The following IGSF3 variants were observed in gnomAD, a reference collection of about 807,000 sequenced individuals.
The protein encoded by IGSF3 is immunoglobulin superfamily member 3, also known as glu-Trp-Ile EWI motif-containing protein 3.
Under a neutral mutation model 114.4 loss-of-function variants are expected in IGSF3, and 23 were observed. The observed-to-expected ratio is 0.20, with a 90% CI of 0.14 to 0.28. The LOEUF is 0.28. Ranked by LOEUF, IGSF3 falls within the 10% of genes least tolerant of loss-of-function variation. IGSF3 has a pLI of 1.00. For missense variants in IGSF3, 1,172 were observed against 1,591.5 expected, an observed-to-expected ratio of 0.74 and a Z score of 4.48; for synonymous variants, 571 against 645.2, an observed-to-expected ratio of 0.88 and a Z score of 1.74.
chr1:116,643,040 T>A (rs1391654145), intron 2 of IGSF3, among the ~76,000 whole-genome samples: 1 of 152,180 alleles, frequency 6.6e-6, no homozygotes, highest in Non-Finnish European at 1.5e-5. Context: ...CAAAGCTCTA[T>A]CTATGCCTGC....
chr1:116,613,626 C>T, intron 4 of IGSF3, 139 bp downstream of exon 4: 1 of 809,876 alleles, frequency 1.2e-6, no homozygotes, highest in Non-Finnish European at 2.0e-6. Context: ...TCCAGCCGCA[C>T]ACAAGACCGG....
chr1:116,577,369 G>A lies in IGSF3; in HGVS notation c.3528C>T (p.Tyr1176=), dbSNP rs149680474. 4 of 1,614,044 alleles carry A rather than the reference G, an allele frequency of 2.5e-6. No homozygotes were observed. Among genetic ancestry groups the A allele is most frequent in the East Asian group, 4.5e-5 (2 of 44,892 alleles). The change falls in exon 11 of 11, where the codon TAC becomes TAT. Residue 1176 remains tyrosine (Y), a synonymous_variant. Transcript: ENST00000369486. This position sits in a 1 kb window ranked among gnomAD's most constrained non-coding sequence, Gnocchi z 5.7. ...LLWIKEPHLN[Y]SPTCLEPPVL... ...CAGGGGGCTCCAGGCAAGTAGGGGA[G>A]TAGTTGAGGTGTGGCTCTTTGATCC...
rs753627258 is a variant in IGSF3, at chr1:116,606,584, C to G, written c.1222+1358G>C. 7.7e-6 allele frequency: 6 copies of G among 774,638 alleles called. No individual in the cohort carries two copies. The East Asian group carries it at 1.5e-4, about 19-fold the overall frequency. 48.0% of individuals were successfully genotyped at this position (774,638 alleles called of 1,614,324 possible). A position where few individuals can be genotyped will look rare whatever the true frequency, so the allele number is the denominator to read the frequency against. ...AGCAATATAGCAGGCCACAGATCAT[C>G]AAACAAGTTCTCAGAAGGGGTTGGG... On this transcript the variant is annotated intron_variant, in intron 5 of 10. Coordinates refer to ENST00000369486, the MANE Select transcript of IGSF3 (RefSeq NM_001007237.3).
rs1362812279 is a variant in IGSF3, at chr1:116,625,497, G to T, written c.44-9040C>A. ...TGCCAGGCGGAAAAGGGCACCGAAA[G>T]GCACATTAATAAAGTCAAACACCTC... On this transcript the variant is annotated intron_variant, in intron 2 of 10. Coordinates refer to ENST00000369486, the MANE Select transcript of IGSF3 (RefSeq NM_001007237.3). The surrounding 1 kb of genome is among the most constrained non-coding windows in gnomAD (Gnocchi z 4.7). Among the ~76,000 whole-genome samples the T allele has an allele frequency of 6.6e-6, 1 of 152,236 alleles. No individual in the cohort carries two copies. Among genetic ancestry groups the T allele is most frequent in the Non-Finnish European group, 1.5e-5 (1 of 68,046 alleles).
In IGSF3 at chr1:116,661,464, TACTCACTGATAAAACC is replaced by T. The variant is rs1557889611; in HGVS notation, c.43+4804_43+4819del. 6.6e-6 allele frequency among the ~76,000 whole-genome samples: 1 copy of T among 152,222 alleles called. No homozygotes were observed. On this transcript the variant is annotated intron_variant, in intron 2 of 10. Transcript: ENST00000369486. This position sits in a 1 kb window ranked among gnomAD's most constrained non-coding sequence, Gnocchi z 4.0. ...CATAAGCACTCTATAAACACTTTAATACTCACTGATAAAACCACAAAATGTAGTGTTTAATTATATG... is the reference window on the plus strand; with the variant it reads ...CATAAGCACTCTATAAACACTTTAATACAAAATGTAGTGTTTAATTATATG...
Position 116,650,846 on chromosome 1 carries a change from C to A in IGSF3, c.43+15438G>T, listed in dbSNP as rs1648607423. ...AAAATGGAAAAAGAGCCATGAAATC[C>A]AAACAGATGCAAAAACGTTCTTAAC... On this transcript the variant is annotated intron_variant, in intron 2 of 10. Coordinates refer to ENST00000369486, the MANE Select transcript of IGSF3 (RefSeq NM_001007237.3). This position sits in a 1 kb window ranked among gnomAD's most constrained non-coding sequence, Gnocchi z 5.0. Among the ~76,000 whole-genome samples the A allele has an allele frequency of 6.6e-6, 1 of 152,190 alleles. No individual in the cohort carries two copies. The highest frequency in any genetic ancestry group is 1.5e-5 in the Non-Finnish European group (1 of 68,036).
In IGSF3 at chr1:116,600,057, G is replaced by T. The variant is rs145920186; in HGVS notation, c.1913C>A (p.Thr638Lys). ...CACACACTGGTACTTGCCTGCTTCC[G>T]TGTCACTGGCTCGGCTGATGCTTAG... Reference protein sequence around the residue: ...VRLSISRASDTEAGKYQCVAE... With the variant: ...VRLSISRASDKEAGKYQCVAE... Residue 638 changes from threonine (T) to lysine (K), a missense_variant, in exon 7 of 11, where the codon ACG becomes AAG. Thr to Lys is a moderately conservative substitution (Grantham distance 78). Transcript: ENST00000369486. This position sits in a 1 kb window ranked among gnomAD's most constrained non-coding sequence, Gnocchi z 5.5. The T allele has an allele frequency of 1.9e-5, 30 of 1,614,154 alleles. No individual in the cohort carries two copies. The highest frequency in any genetic ancestry group is 2.4e-5 in the Non-Finnish European group (28 of 1,180,030).
rs772911436 is a variant in IGSF3 at position 116,588,899 on chromosome 1, G to A, written c.2235C>T (p.Ala745=). 2.0e-5 allele frequency: 32 copies of A among 1,613,994 alleles called. No individual in the cohort carries two copies. Among genetic ancestry groups the A allele is most frequent in the African/African-American group, 1.1e-4 (8 of 74,884 alleles). ...GCCTGGCTCTCAGGCCCTCCTCCTC[G>A]GCGTAAGTACCGTATTCAAAGGCGG... ...HNSAFEYGTY[A]EEEGLRARLQ... The change falls in exon 8 of 11, where the codon GCC becomes GCT. Residue 745 remains alanine, a synonymous_variant. Coordinates refer to ENST00000369486, the MANE Select transcript of IGSF3 (RefSeq NM_001007237.3). The surrounding 1 kb of genome is among the most constrained non-coding windows in gnomAD (Gnocchi z 4.9).
Position 116,667,603 on chromosome 1 carries a change from C to T in IGSF3, c.-631+15G>A, listed in dbSNP as rs1649397905. 6.6e-6 allele frequency: 1 copy of T among 151,528 alleles called. No individual in the cohort carries two copies. The highest frequency in any genetic ancestry group is 1.5e-5 in the Non-Finnish European group (1 of 67,748). 9.4% of individuals were successfully genotyped at this position (151,528 alleles called of 1,614,324 possible). A position where few individuals can be genotyped will look rare whatever the true frequency, so the allele number is the denominator to read the frequency against. On this transcript the variant is annotated intron_variant, in intron 1 of 10. Transcript: ENST00000369486. ...GCCCCCTCCGGGCGCCGCCCGCGCC[C>T]CCGCCGAGCCTGACCTCGCCCCTGG...
intron 7 of IGSF3, among the ~76,000 whole-genome samples, chr1:116,590,372 A>G (rs1402329522): frequency 1.5e-5 from 2 of 131,904 alleles, no homozygotes; most frequent in South Asian, 2.3e-4. Context: ...ACTAAAAATG[A>G]AAAAAAAAAA....
intron 2 of IGSF3, among the ~76,000 whole-genome samples, chr1:116,660,172 T>A (rs937949389): frequency 6.6e-6 from 1 of 152,186 alleles, no homozygotes. Flanking sequence ...ATTTCTCCAA[T>A]CTGTAAAAGG....
At position 116,632,708 on chromosome 1, in the gene IGSF3, GCAGGATTAACTAGCCATA is replaced by G. The variant is rs745778127; in HGVS notation, c.44-16269_44-16252del. 3.3e-5 allele frequency among the ~76,000 whole-genome samples: 5 copies of G among 152,194 alleles called. No homozygotes were observed. Among genetic ancestry groups the G allele is most frequent in the Non-Finnish European group, 7.3e-5 (5 of 68,032 alleles). The stretch of plus-strand genomic sequence containing the variant: ...ATTAACTCAGAGCTGACCTCGTCTG[GCAGGATTAACTAGCCATA>G]CCTGTCCAGCCCACAGAGCCTGGCC... On this transcript the variant is annotated intron_variant, in intron 2 of 10. Coordinates refer to ENST00000369486, the MANE Select transcript of IGSF3 (RefSeq NM_001007237.3). The surrounding 1 kb of genome is among the most constrained non-coding windows in gnomAD (Gnocchi z 5.1).
Position 116,596,411 on chromosome 1 carries a change from G to A in IGSF3, c.2029+3530C>T, listed in dbSNP as rs1371505794. On this transcript the variant is annotated intron_variant, in intron 7 of 10. Coordinates refer to ENST00000369486, the MANE Select transcript of IGSF3 (RefSeq NM_001007237.3). The surrounding 1 kb of genome is among the most constrained non-coding windows in gnomAD (Gnocchi z 4.1). ...GGAGAGCAAAAGAAGAGAGGACAGCGCTGGTTCGGAGCTCTGGTATCCGCA... is the reference window on the plus strand; with the variant it reads ...GGAGAGCAAAAGAAGAGAGGACAGCACTGGTTCGGAGCTCTGGTATCCGCA... Among the ~76,000 whole-genome samples the A allele has an allele frequency of 3.9e-5, 6 of 152,192 alleles. No individual in the cohort carries two copies. The East Asian group carries it at 5.8e-4, about 15-fold the overall frequency.
Position 116,665,435 on chromosome 1 carries a change from T to G in IGSF3, c.43+849A>C, listed in dbSNP as rs1013632846. On this transcript the variant is annotated intron_variant, in intron 2 of 10. Transcript: ENST00000369486. This position sits in a 1 kb window ranked among gnomAD's most constrained non-coding sequence, Gnocchi z 4.0. ...AGAGAATGGCACCAAATCCTGGCAA[T>G]GAAGTTTATCCTAGACCTGAGATGT... 6.6e-6 allele frequency among the ~76,000 whole-genome samples: 1 copy of G among 152,150 alleles called. No homozygotes were observed. Among genetic ancestry groups the G allele is most frequent in the Non-Finnish European group, 1.5e-5 (1 of 68,012 alleles).
chr1:116,588,798 C>G lies in IGSF3; in HGVS notation c.2336G>C (p.Ser779Thr). The G allele has an allele frequency of 6.2e-7, 1 of 1,614,184 alleles. No homozygotes were observed. The highest frequency in any genetic ancestry group is 8.5e-7 in the Non-Finnish European group (1 of 1,180,022). The change falls in exon 8 of 11, where the codon AGC becomes ACC. Residue 779 changes from serine (S) to threonine (T), a missense_variant. Ser to Thr is a moderately conservative substitution (Grantham distance 58). Around this residue, in one of 3 missense-constraint regions of IGSF3, gnomAD observed 736 missense variants for 1,042.0 expected, o/e 0.71. Coordinates refer to ENST00000369486, the MANE Select transcript of IGSF3 (RefSeq NM_001007237.3). The surrounding 1 kb of genome is among the most constrained non-coding windows in gnomAD (Gnocchi z 4.9). ...CCACTCCTCCACGTGGCAGTAGTAG[C>G]TGCCGCTGTCGCTGACCTCGGCTCT... is the stretch of plus-strand genomic sequence containing the variant. ...VQRAEVSDSG[S>T]YYCHVEEWLL...
chr1:116,607,065 C>G lies in IGSF3; in HGVS notation c.1222+877G>C, dbSNP rs138342023. Among the ~76,000 whole-genome samples, 1 of 152,086 alleles carries G rather than the reference C, an allele frequency of 6.6e-6. No individual in the cohort carries two copies. The highest frequency in any genetic ancestry group is 1.5e-5 in the Non-Finnish European group (1 of 68,020). On this transcript the variant is annotated intron_variant, in intron 5 of 10. Transcript: ENST00000369486. This position sits in a 1 kb window ranked among gnomAD's most constrained non-coding sequence, Gnocchi z 6.1. Reference sequence around the variant, plus strand: ...AAATAAAAAGTAAAGGAAATTATTACAAGGCTCAGAGAAAGAATAGTTTGA... The same window carrying G: ...AAATAAAAAGTAAAGGAAATTATTAGAAGGCTCAGAGAAAGAATAGTTTGA...
chr1:116,577,062 T>C lies in IGSF3; in HGVS notation c.*250A>G. 1 of 496,048 alleles carries C rather than the reference T, an allele frequency of 2.0e-6. No individual in the cohort carries two copies. The highest frequency in any genetic ancestry group is 2.5e-5 in the South Asian group (1 of 40,474). The allele number at this position is 496,048 out of a possible 1,614,324, so 30.7% of individuals were successfully genotyped here. A position where few individuals can be genotyped will look rare whatever the true frequency, so the allele number is the denominator to read the frequency against. Reference sequence around the variant, plus strand: ...TGGCACCTGGAGCTACTCACTACATTACTAAAAACAGAAACAAGAAATCTA... The same window carrying C: ...TGGCACCTGGAGCTACTCACTACATCACTAAAAACAGAAACAAGAAATCTA... On this transcript the variant is annotated 3_prime_UTR_variant, in exon 11 of 11. Coordinates refer to ENST00000369486, the MANE Select transcript of IGSF3 (RefSeq NM_001007237.3). This position sits in a 1 kb window ranked among gnomAD's most constrained non-coding sequence, Gnocchi z 5.7.
At position 116,633,073 on chromosome 1, in the gene IGSF3, A is replaced by G. The variant is rs1647667577; in HGVS notation, c.44-16616T>C. 6.6e-6 allele frequency among the ~76,000 whole-genome samples: 1 copy of G among 152,222 alleles called. No homozygotes were observed. Among genetic ancestry groups the G allele is most frequent in the African/African-American group, 2.4e-5 (1 of 41,454 alleles). ...CCAATGCTGCACGCTGCAGAGACAC[A>G]GTCTTTGGGTTCTGTGAGCTGTATT... is the stretch of plus-strand genomic sequence containing the variant. On this transcript the variant is annotated intron_variant, in intron 2 of 10. Coordinates refer to ENST00000369486, the MANE Select transcript of IGSF3 (RefSeq NM_001007237.3). The surrounding 1 kb of genome is among the most constrained non-coding windows in gnomAD (Gnocchi z 4.3).
intron 5 of IGSF3, 50 bp from the exon 6 acceptor site, chr1:116,604,075 C>G: frequency 7.1e-7 from 1 of 1,405,932 alleles, no homozygotes; most frequent in Non-Finnish European, 9.6e-7. Context: ...GTCTCCACAG[C>G]GCCCTCCCCA....
Sources: allele counts gnomAD v4.1 joint callset (sites outside exome capture counted in the v4.1 genomes callset), GRCh38; gene constraint gnomAD v4.1.1; regional missense constraint gnomAD v4.1.1; non-coding constraint Gnocchi (gnomAD v3.1); transcripts MANE v1.5; gene names NCBI Gene and HGNC (gene_info 2026-07-23, HGNC 2026-07-21).